LZTFL1: variants seen among roughly 807,000 people sequenced by gnomAD.
LZTFL1 encodes the protein leucine zipper transcription factor like 1, also known as leucine zipper transcription factor-like protein 1.
In LZTFL1, 25 loss-of-function variants were observed where a neutral mutation model predicts 45.9. The observed-to-expected ratio is 0.54, with a 90% CI of 0.40 to 0.76. The LOEUF (loss-of-function observed/expected upper bound fraction) is 0.76, where lower values mean the gene tolerates loss of function less well. Ranked by LOEUF, LZTFL1 falls within the 30% of genes least tolerant of loss-of-function variation. The pLI is 0.00. For missense variants in LZTFL1, 277 were observed against 331.1 expected (o/e 0.84, Z 1.27); for synonymous variants, 93 against 117.4 (o/e 0.79, Z 1.35).
intron 2 of LZTFL1, among the ~76,000 whole-genome samples, chr3:45,899,114 C>A (rs899005120): frequency 6.6e-6 from 1 of 152,178 alleles, no homozygotes; most frequent in African/African-American, 2.4e-5. Context: ...TGCAGTGAGC[C>A]GAGATGGCGC....
intron 1 of LZTFL1, among the ~76,000 whole-genome samples, chr3:45,841,464 A>T (rs1701110865): frequency 6.6e-6 from 1 of 152,340 alleles, no homozygotes; most frequent in Admixed American, 6.5e-5. Flanking sequence ...TCACCTCCAC[A>T]TCAGAAAGTT....
intron 4 of LZTFL1, among the ~76,000 whole-genome samples, chr3:45,854,146 A>G (rs550633244): frequency 2.0e-5 from 3 of 151,850 alleles, no homozygotes; most frequent in Non-Finnish European, 4.4e-5. Context: ...TCTGCTACAC[A>G]CCCCTGAACA....
chr3:45,873,848 C>T (rs1034853620), intron 2 of LZTFL1, among the ~76,000 whole-genome samples: 6 of 152,214 alleles, frequency 3.9e-5, no homozygotes, highest in Admixed American at 1.3e-4. Context: ...AACAGGCTTA[C>T]GTGCCACCTG....
chr3:45,864,897 G>C (rs1321751160), intron 2 of LZTFL1, among the ~76,000 whole-genome samples: 1 of 152,206 alleles, frequency 6.6e-6, no homozygotes, highest in Non-Finnish European at 1.5e-5. Flanking sequence ...AAGTTGAAGA[G>C]TTGAAGCCCT....
intron 4 of LZTFL1, among the ~76,000 whole-genome samples, chr3:45,849,979 G>A (rs1701282589): frequency 1.3e-5 from 2 of 152,192 alleles, no homozygotes; most frequent in Non-Finnish European, 2.9e-5. Context: ...AAACCATGGA[G>A]ATAGTTGTTT....
intron 4 of LZTFL1, chr3:45,854,565 CAAA>C (rs34970124): frequency 2.6e-4 from 38 of 143,520 alleles, no homozygotes; most frequent in Non-Finnish European, 2.9e-4. Context: ...AACTCTGTCT[CAAA>C]AAAAAAAAAA....
At chr3:45,878,240 T>C (rs1420186594) in intron 2 of LZTFL1, among the ~76,000 whole-genome samples, 1 of 152,236 alleles carries the variant, frequency 6.6e-6, no homozygotes, top group East Asian at 1.9e-4. Flanking sequence ...TTATTAACTA[T>C]GGCCAGCACC....
chr3:45,913,075 A>G, intron 2 of LZTFL1: 1 of 1,522,990 alleles, frequency 6.6e-7, no homozygotes, highest in Admixed American at 2.0e-5. Flanking sequence ...CTGTCTCAGC[A>G]TAACGCAGTA....
At chr3:45,892,667 G>A (rs767967766) in intron 2 of LZTFL1, among the ~76,000 whole-genome samples, 15 of 151,994 alleles carry the variant, frequency 9.9e-5, no homozygotes, top group Admixed American at 2.6e-4. Context: ...CCCCCATGAC[G>A]CGCAATTTAC....
At position 45,901,922 on chromosome 3, in the gene LZTFL1, T is replaced by C. The variant is rs751578363; in HGVS notation, c.-215+11198A>G. ...GAGGGGTCTTCTCTGAGGTGCATGG[T>C]TCTTTTGGAAGAAATGAGAAATACA... is the stretch of plus-strand genomic sequence containing the variant. On this transcript the variant is annotated intron_variant, in intron 2 of 4. Transcript: ENST00000472635. This position sits in a 1 kb window ranked among gnomAD's most constrained non-coding sequence, Gnocchi z 4.3. 36 of 1,531,530 alleles carry C rather than the reference T, an allele frequency of 2.4e-5. No homozygotes were observed. Among genetic ancestry groups the C allele is most frequent in the Non-Finnish European group, 3.2e-5 (36 of 1,138,700 alleles). The allele number at this position is 1,531,530 out of a possible 1,614,324, so 94.9% of individuals were successfully genotyped here.
intron 2 of LZTFL1, among the ~76,000 whole-genome samples, chr3:45,877,119 A>G (rs1459965133): frequency 2.0e-5 from 3 of 152,282 alleles, no homozygotes; most frequent in East Asian, 3.9e-4. Flanking sequence ...AGCGAATAAA[A>G]TCGTGAAACT....
In LZTFL1 at chr3:45,830,918, G is replaced by C; in HGVS notation, c.595C>G (p.Gln199Glu). Residue 199 changes from glutamine (Q) to glutamate (E), a missense_variant, in exon 7 of 10, where the codon CAA becomes GAA. Gln to Glu is a conservative substitution (Grantham distance 29). Coordinates refer to ENST00000296135, the MANE Select transcript of LZTFL1 (RefSeq NM_020347.4). ...GTAGCTAAAACTTGTTTCACCTTTT[G>C]ATTTCCTTGATCAAGCTGTAAATCT... ...LQDLQLDQGN[Q>E]KDFIKAQDLS... 1 of 1,613,396 alleles carries C rather than the reference G, an allele frequency of 6.2e-7. No individual in the cohort carries two copies. The highest frequency in any genetic ancestry group is 1.1e-5 in the South Asian group (1 of 90,962).
At chr3:45,851,615 C>T (rs887948299) in intron 4 of LZTFL1, among the ~76,000 whole-genome samples, 2 of 152,108 alleles carry the variant, frequency 1.3e-5, no homozygotes, top group African/African-American at 4.8e-5. Context: ...AACCTTTGTG[C>T]AATCATTTAA....
Position 45,835,747 on chromosome 3 carries a change from C to T in LZTFL1, c.166G>A (p.Glu56Lys), listed in dbSNP as rs1230309756. Residue 56 changes from glutamate to lysine, a missense_variant, in exon 3 of 10, where the codon GAA (glutamate) becomes AAA (lysine). Coordinates refer to ENST00000296135, the MANE Select transcript of LZTFL1 (RefSeq NM_020347.4). Reference protein sequence around the residue: ...EDTFTIDEVSEVLNGLQAVVH... With the variant: ...EDTFTIDEVSKVLNGLQAVVH... ...ACAGCTTGTAATCCATTGAGGACTTCAGAGACTTCATCTATGGTGAAGGTG... is the reference window on the plus strand; with the variant it reads ...ACAGCTTGTAATCCATTGAGGACTTTAGAGACTTCATCTATGGTGAAGGTG... 1 of 1,614,004 alleles carries T rather than the reference C, an allele frequency of 6.2e-7. No homozygotes were observed. The highest frequency in any genetic ancestry group is 8.5e-7 in the Non-Finnish European group (1 of 1,179,936).
chr3:45,903,144 G>A (rs199657625), intron 2 of LZTFL1: 1 of 167,032 alleles, frequency 6.0e-6, no homozygotes, highest in Non-Finnish European at 1.5e-5. Flanking sequence ...AATATTTTAA[G>A]TGTGTGCAAT....
In LZTFL1 at chr3:45,838,040, G is replaced by T; in HGVS notation, c.15C>A (p.Gly5=). The change falls in exon 2 of 10, where the codon GGC becomes GGA. Residue 5 remains glycine, a synonymous_variant. Coordinates refer to ENST00000296135, the MANE Select transcript of LZTFL1 (RefSeq NM_020347.4). MAEL[G]LNEHHQNEVI... is the part of the protein sequence containing the mutation. ...CTTCATTTTGATGGTGCTCATTTAG[G>T]CCCAACTCTGCCTGAAAAAGAAAGA... 1 of 1,593,740 alleles carries T rather than the reference G, an allele frequency of 6.3e-7. No individual in the cohort carries two copies. The highest frequency in any genetic ancestry group is 8.5e-7 in the Non-Finnish European group (1 of 1,174,180).
In LZTFL1 at chr3:45,901,428, G is replaced by A. The variant is rs1702553720; in HGVS notation, c.-215+11692C>T. ...TGAGAGCACCAAACTGAAGTCAGCT[G>A]TCTTGACCCTGAAGGTCATTCTGGG... On this transcript the variant is annotated intron_variant, in intron 2 of 4. Transcript: ENST00000472635. This position sits in a 1 kb window ranked among gnomAD's most constrained non-coding sequence, Gnocchi z 4.3. 1 of 1,614,202 alleles carries A rather than the reference G, an allele frequency of 6.2e-7. No homozygotes were observed. The highest frequency in any genetic ancestry group is 8.5e-7 in the Non-Finnish European group (1 of 1,180,036).
intron 1 of LZTFL1, chr3:45,913,305 CT>C (rs74619260): frequency 0.17 from 82,481 of 499,722 alleles, no homozygotes; most frequent in South Asian, 0.22. Flanking sequence ...AGATCCTTAA[CT>C]TTTTTTTTTT....
At chr3:45,856,313 G>A (rs1301735738) in intron 3 of LZTFL1, among the ~76,000 whole-genome samples, 3 of 152,294 alleles carry the variant, frequency 2.0e-5, no homozygotes, top group African/African-American at 7.2e-5. Flanking sequence ...TAAATGTGCT[G>A]AGAAAACTGG....
Sources: gnomAD v4.1 joint callset for allele counts (sites outside exome capture counted in the v4.1 genomes callset) on GRCh38, gnomAD v4.1.1 for gene constraint, Gnocchi (gnomAD v3.1) non-coding constraint, MANE v1.5 for transcripts, NCBI Gene and HGNC (gene_info 2026-07-23, HGNC 2026-07-21) for gene names.